The following CDH3 variants were observed in gnomAD, a reference collection of about 807,000 sequenced individuals.
The protein encoded by CDH3 is cadherin-3.
A neutral mutation model predicts 82.0 loss-of-function variants in CDH3; 54 were observed. The observed-to-expected ratio is 0.66, with a 90% CI of 0.53 to 0.83. The LOEUF is 0.83. CDH3 is among the 40% of genes least tolerant of loss of function. CDH3 has a pLI of 0.00. For synonymous variants in CDH3, 446 were observed against 437.9 expected, an observed-to-expected ratio of 1.02 and a Z score of -0.23; for missense variants, 1,054 against 1,084.6, an observed-to-expected ratio of 0.97 and a Z score of 0.40.
chr16:68,646,899 A>G lies in CDH3; in HGVS notation c.160+1149A>G, dbSNP rs150783424. On this transcript the variant is annotated intron_variant, in intron 2 of 15. Coordinates refer to ENST00000264012, the MANE Select transcript of CDH3 (RefSeq NM_001793.6). ...CCACTGCTTGAATGTGGGGCTGTCAATGCCTAGGGGACAGAGTGGCTCTCT... is the reference window on the plus strand; with the variant it reads ...CCACTGCTTGAATGTGGGGCTGTCAGTGCCTAGGGGACAGAGTGGCTCTCT... Among the ~76,000 whole-genome samples the G allele has an allele frequency of 6.5e-3, 985 of 152,248 alleles. 33 individuals carry two copies. Among genetic ancestry groups the G allele is most frequent in the Admixed American group, 0.057 (873 of 15,286 alleles).
chr16:68,712,162 G>A (rs978541365), intron 1 of CDH3, among the ~76,000 whole-genome samples: 2 of 147,882 alleles, frequency 1.4e-5, no homozygotes, highest in South Asian at 2.2e-4. Flanking sequence ...TCGGCCTCCC[G>A]AGTAGCTGGC....
At chr16:68,685,585 C>T (rs1302518288) in intron 11 of CDH3, among the ~76,000 whole-genome samples, 1 of 152,182 alleles carries the variant, frequency 6.6e-6, no homozygotes, top group Admixed American at 6.5e-5. Context: ...GCAGGTAGAT[C>T]ACCTGAGGTC....
chr16:68,675,088 G>A (rs1017089201), intron 2 of CDH3, among the ~76,000 whole-genome samples: 2 of 151,760 alleles, frequency 1.3e-5, no homozygotes, highest in African/African-American at 4.8e-5. Flanking sequence ...ACTCCAGCCT[G>A]GGTGACAGAG....
chr16:68,723,749 C>T (rs1962188254), intron 2 of CDH3, among the ~76,000 whole-genome samples: 1 of 151,784 alleles, frequency 6.6e-6, no homozygotes, highest in Non-Finnish European at 1.5e-5. Flanking sequence ...ATAGCAAAAC[C>T]CTGTCTCTAC....
intron 10 of CDH3, 117 bp downstream of exon 10, chr16:68,684,941 G>C (rs1042130397): frequency 1.5e-6 from 2 of 1,360,732 alleles, no homozygotes; most frequent in Non-Finnish European, 2.1e-6. Context: ...TATCCCTCCT[G>C]CATAGGTTCT....
At chr16:68,690,003 CA>C (rs1313966558) in intron 12 of CDH3, among the ~76,000 whole-genome samples, 14 of 152,234 alleles carry the variant, frequency 9.2e-5, no homozygotes, top group African/African-American at 3.4e-4. Flanking sequence ...GAGTCTAAAC[CA>C]AAGGCCTTTC....
chr16:68,717,891 C>T (rs1962113181), intron 1 of CDH3, among the ~76,000 whole-genome samples: 1 of 152,162 alleles, frequency 6.6e-6, no homozygotes. Flanking sequence ...GTTAAAGCAG[C>T]ACCAGGCCTT....
rs1961163338 is a variant in CDH3, at chr16:68,679,919, C to T, written c.812C>T (p.Thr271Ile). The change falls in exon 7 of 16, where the codon ACC becomes ATC. Residue 271 changes from threonine (T) to isoleucine (I), a missense_variant. Physicochemically the swap from Thr to Ile is moderately conservative, Grantham distance 89. Transcript: ENST00000264012. The part of the protein sequence containing the change: ...EPKDPHDLMF[T>I]IHRSTGTISV... The stretch of plus-strand genomic sequence containing the variant: ...AAGGACCCACACGACCTCATGTTCA[C>T]CATTCACCGGAGCACAGGCACCATC... The T allele has an allele frequency of 3.7e-6, 6 of 1,613,994 alleles. No individual in the cohort carries two copies. The highest frequency in any genetic ancestry group is 5.1e-6 in the Non-Finnish European group (6 of 1,180,002).
Position 68,682,507 on chromosome 16 carries a change from A to C in CDH3, c.1182+20A>C. 6.2e-7 allele frequency: 1 copy of C among 1,612,646 alleles called. No homozygotes were observed. Among genetic ancestry groups the C allele is most frequent in the Non-Finnish European group, 8.5e-7 (1 of 1,178,786 alleles). ...AGGAAGGTGAGTCAGTTCGGGCCTC[A>C]GACAATGGCTATACCTGGGGCAGTC... On this transcript the variant is annotated intron_variant, in intron 9 of 15. Transcript: ENST00000264012.
At chr16:68,657,311 C>T (rs1361496409) in intron 2 of CDH3, among the ~76,000 whole-genome samples, 1 of 152,000 alleles carries the variant, frequency 6.6e-6, no homozygotes, top group Non-Finnish European at 1.5e-5. Context: ...CTCGGGAGTT[C>T]GAGACCAGCC....
At chr16:68,651,711 C>T (rs1960253208) in intron 2 of CDH3, 3 of 516,114 alleles carry the variant, frequency 5.8e-6, no homozygotes, top group Non-Finnish European at 1.2e-5. Context: ...TAGCTGGTGC[C>T]AGTTCTGCAT....
At chr16:68,702,871 A>G (rs1046298999), downstream of CDH3, among the ~76,000 whole-genome samples, 1 of 152,068 alleles carries the variant, frequency 6.6e-6, no homozygotes, top group Non-Finnish European at 1.5e-5. Flanking sequence ...TCTCAAAAAA[A>G]AAAAGTGGAG....
At chr16:68,654,380 A>ATTTTTTTTTTTTTTTTTTTTTTTTTTT (rs1176713669) in intron 2 of CDH3, among the ~76,000 whole-genome samples, 1 of 48,494 alleles carries the variant, frequency 2.1e-5, no homozygotes, top group African/African-American at 9.7e-5. Flanking sequence ...TTTTAAATTA[A>ATTTTTTTTTTTTTTTTTTTTTTTTTTT]TTTTTTTTTT....
intron 8 of CDH3, among the ~76,000 whole-genome samples, chr16:68,681,342 G>A (rs1961224990): frequency 1.3e-5 from 2 of 152,150 alleles, no homozygotes; most frequent in Non-Finnish European, 2.9e-5. Context: ...TTCCTAACAC[G>A]ATGCCCTAAA....
intron 6 of CDH3, 114 bp from the exon 7 acceptor site, chr16:68,679,685 A>T: frequency 9.6e-6 from 6 of 623,940 alleles, no homozygotes; most frequent in African/African-American, 2.5e-5. Context: ...ATAGAGTGAG[A>T]CTTCATCTCA....
At chr16:68,732,527 C>T in the CDH3 span, among the ~76,000 whole-genome samples, 1 of 152,224 alleles carries the variant, frequency 6.6e-6, no homozygotes, top group Non-Finnish European at 1.5e-5. Flanking sequence ...TGCCAGGTGA[C>T]AGGGTCTCTT....
At chr16:68,671,295 T>A (rs1404577623) in intron 2 of CDH3, among the ~76,000 whole-genome samples, 2 of 151,748 alleles carry the variant, frequency 1.3e-5, no homozygotes, top group Non-Finnish European at 1.5e-5. Flanking sequence ...CCAGCTGAGA[T>A]TTGATGCCCA....
Position 68,695,930 on chromosome 16 carries a change from C to A in CDH3, c.2280+7C>A, listed in dbSNP as rs114709429. The stretch of plus-strand genomic sequence containing the variant: ...CGGCAACTTTATAATTGAGGTGAGG[C>A]GTGGCAGGCCAGTCGAGGGCCACCC... On this transcript the variant is annotated splice_region_variant and intron_variant, in intron 15 of 15. Transcript: ENST00000264012. 2.5e-6 allele frequency: 4 copies of A among 1,613,810 alleles called. No individual in the cohort carries two copies. The South Asian group carries it at 4.4e-5, about 18-fold the overall frequency.
intron 12 of CDH3, among the ~76,000 whole-genome samples, chr16:68,689,308 C>T (rs891971185): frequency 4.6e-5 from 7 of 151,862 alleles, no homozygotes; most frequent in African/African-American, 7.3e-5. Context: ...CTGAGGTGGG[C>T]GGATCACGAG....
Sources: gnomAD v4.1 joint callset for allele counts (sites outside exome capture counted in the v4.1 genomes callset) on GRCh38, gnomAD v4.1.1 for gene constraint, MANE v1.5 for transcripts, NCBI Gene and HGNC (gene_info 2026-07-23, HGNC 2026-07-21) for gene names.